The following XPNPEP1 variants were observed in gnomAD, a reference collection of about 807,000 sequenced individuals.
XPNPEP1 encodes the protein xaa-Pro aminopeptidase 1.
XPNPEP1 carries 39 observed loss-of-function variants against 92.4 expected under a neutral mutation model. That is an observed-to-expected ratio of 0.42 (90% confidence interval 0.33 to 0.55). The LOEUF (loss-of-function observed/expected upper bound fraction) is 0.55, where lower values mean the gene tolerates loss of function less well. XPNPEP1 is among the 20% of genes least tolerant of loss of function. The pLI is 0.08. For missense variants in XPNPEP1, 654 were observed against 856.1 expected (o/e 0.76, Z 2.95); for synonymous variants, 307 against 299.4 (o/e 1.03, Z -0.26).
chr10:109,907,526 T>G (rs1241380078), intron 3 of XPNPEP1, among the ~76,000 whole-genome samples, 165 bp downstream of exon 3: 1 of 152,170 alleles, frequency 6.6e-6, no homozygotes, highest in Non-Finnish European at 1.5e-5. Flanking sequence ...CTAGGGCCAA[T>G]CCACAAGCAT....
At chr10:109,880,360 C>A in intron 11 of XPNPEP1, 122 bp from the exon 12 acceptor site, 1 of 970,154 alleles carries the variant, frequency 1.0e-6, no homozygotes, top group South Asian at 1.4e-5. Context: ...CATCAGCAAC[C>A]AGAGCTTTAC....
chr10:109,911,481 T>C (rs1849869146), intron 2 of XPNPEP1, among the ~76,000 whole-genome samples: 1 of 152,170 alleles, frequency 6.6e-6, no homozygotes. Flanking sequence ...AAGTATCTGG[T>C]CTGATCCAAG....
At chr10:109,910,981 T>C (rs542492945) in intron 2 of XPNPEP1, among the ~76,000 whole-genome samples, 30 of 152,374 alleles carry the variant, frequency 2.0e-4, no homozygotes, top group African/African-American at 7.0e-4. Flanking sequence ...TTCTTTAACA[T>C]ACTCATTTGC....
rs1848503174 is a variant in XPNPEP1 at position 109,888,201 on chromosome 10, A to G, written c.509-9T>C. On this transcript the variant is annotated splice_polypyrimidine_tract_variant and intron_variant, in intron 6 of 20. Coordinates refer to ENST00000502935, the MANE Select transcript of XPNPEP1 (RefSeq NM_020383.4). ...CATTTTCTTCCAATAATCTGAGGAG[A>G]CACATTGTGGCCCAGCCATGAGCCG... is the stretch of plus-strand genomic sequence containing the variant. 2.5e-6 allele frequency: 4 copies of G among 1,608,866 alleles called. No homozygotes were observed. The highest frequency in any genetic ancestry group is 3.4e-6 in the Non-Finnish European group (4 of 1,179,736).
intron 3 of XPNPEP1, 74 bp downstream of exon 3, chr10:109,907,617 T>C (rs1327589448): frequency 1.9e-6 from 3 of 1,591,240 alleles, no homozygotes; most frequent in South Asian, 1.1e-5. Flanking sequence ...GGTTGACAAT[T>C]AGAATCCTAC....
chr10:109,904,462 G>A (rs967208712), intron 3 of XPNPEP1, among the ~76,000 whole-genome samples: 1 of 151,868 alleles, frequency 6.6e-6, no homozygotes, highest in African/African-American at 2.4e-5. Context: ...AAACACTAGA[G>A]TCTCCCACCC....
chr10:109,865,912 G>C (rs1284623151), intron 20 of XPNPEP1, among the ~76,000 whole-genome samples: 2 of 152,224 alleles, frequency 1.3e-5, no homozygotes, highest in African/African-American at 2.4e-5. Flanking sequence ...ACAAAAAAGA[G>C]AGTGAAAGGA....
chr10:109,897,755 G>C (rs910578268), intron 3 of XPNPEP1, among the ~76,000 whole-genome samples: 1 of 151,720 alleles, frequency 6.6e-6, no homozygotes, highest in African/African-American at 2.4e-5. Context: ...CCAGGTTCAC[G>C]CGATTCTCAT....
Position 109,922,307 on chromosome 10 carries a change from C to T in XPNPEP1, c.32+1095G>A, listed in dbSNP as rs115728967. Among the ~76,000 whole-genome samples the T allele has an allele frequency of 9.2e-3, 1,402 of 152,282 alleles. 32 individuals are homozygous for T. Among genetic ancestry groups the T allele is most frequent in the African/African-American group, 0.031 (1,299 of 41,540 alleles). On this transcript the variant is annotated intron_variant, in intron 1 of 20. Transcript: ENST00000502935. ...CCTAAAAGGCTGTGAGTCTATAAAT[C>T]TAGCACAGATCACCTTGGCCCCCTA... is the stretch of plus-strand genomic sequence containing the variant.
intron 11 of XPNPEP1, among the ~76,000 whole-genome samples, chr10:109,880,627 CA>C (rs1224440141): frequency 6.6e-6 from 1 of 152,206 alleles, no homozygotes; most frequent in African/African-American, 2.4e-5. Context: ...CTGTGAACAT[CA>C]ATATCTCCTT....
At chr10:109,882,058 T>C (rs539905631) in intron 10 of XPNPEP1, among the ~76,000 whole-genome samples, 13 of 152,360 alleles carry the variant, frequency 8.5e-5, no homozygotes, top group African/African-American at 3.1e-4. Context: ...CACTTAGTAC[T>C]TTACTTTAGA....
intron 17 of XPNPEP1, 144 bp from the exon 18 acceptor site, chr10:109,871,048 T>A (rs1220844822): frequency 1.1e-6 from 1 of 905,616 alleles, no homozygotes; most frequent in Non-Finnish European, 1.6e-6. Context: ...AAGGAAGAAC[T>A]TTCTAACAAT....
rs1262060416 is a variant in XPNPEP1, at chr10:109,873,372, C to T, written c.1447G>A (p.Glu483Lys). 5 of 1,614,166 alleles carry T rather than the reference C, an allele frequency of 3.1e-6. No individual in the cohort carries two copies. The highest frequency in any genetic ancestry group is 2.2e-5 in the South Asian group (2 of 91,082). ...TMHFGTPTAY[E>K]KECFTYVLKG... ...GTTTTTTACCTCCACCTTACCTTCT[C>T]GTAGGCTGTAGGGGTCCCAAAATGC... The change falls in exon 16 of 21, where the codon GAG (glutamate) becomes AAG (lysine). Residue 483 changes from glutamate (E) to lysine (K), a missense_variant. Coordinates refer to ENST00000502935, the MANE Select transcript of XPNPEP1 (RefSeq NM_020383.4).
At chr10:109,888,374 T>C (rs1184785688) in intron 6 of XPNPEP1, 129 bp downstream of exon 6, 1 of 1,226,076 alleles carries the variant, frequency 8.2e-7, no homozygotes, top group East Asian at 2.5e-5. Context: ...CTCTTCACCC[T>C]GACCTCTACT....
chr10:109,920,215 C>T (rs1300910210), intron 1 of XPNPEP1, among the ~76,000 whole-genome samples: 1 of 151,990 alleles, frequency 6.6e-6, no homozygotes, highest in African/African-American at 2.4e-5. Context: ...TTGGTGGTTG[C>T]CAAGGGCTGA....
intron 10 of XPNPEP1, among the ~76,000 whole-genome samples, chr10:109,882,116 A>G (rs776900494): frequency 6.6e-6 from 1 of 152,230 alleles, no homozygotes; most frequent in African/African-American, 2.4e-5. Context: ...TTAAATAATT[A>G]TATCATGAAC....
chr10:109,878,284 T>C (rs1847891961), intron 12 of XPNPEP1: 3 of 515,086 alleles, frequency 5.8e-6, no homozygotes, highest in African/African-American at 1.9e-5. Context: ...ACTATTGTGC[T>C]TCAGTATTTT....
At chr10:109,887,410 G>A (rs992682540) in intron 7 of XPNPEP1, among the ~76,000 whole-genome samples, 8 of 152,090 alleles carry the variant, frequency 5.3e-5, no homozygotes, top group South Asian at 4.1e-4. Flanking sequence ...AGGCTGTCAC[G>A]CTTTCTTCCC....
At chr10:109,880,042 G>A (rs1332751167) in intron 12 of XPNPEP1, 146 bp downstream of exon 12, 1 of 654,316 alleles carries the variant, frequency 1.5e-6, no homozygotes, top group African/African-American at 1.8e-5. Flanking sequence ...AATTTCCAGA[G>A]AGAATTATTA....
Sources: gnomAD v4.1 joint callset for allele counts (sites outside exome capture counted in the v4.1 genomes callset) on GRCh38, gnomAD v4.1.1 for gene constraint, MANE v1.5 for transcripts, NCBI Gene and HGNC (gene_info 2026-07-23, HGNC 2026-07-21) for gene names.